The following FAM135A variants were observed in gnomAD, a reference collection of about 807,000 sequenced individuals.
The protein encoded by FAM135A is protein FAM135A.
FAM135A carries 79 observed loss-of-function variants against 146.8 expected under a neutral mutation model. The ratio of observed to expected loss-of-function variants is 0.54; its 90% CI spans 0.45 to 0.65. FAM135A has a LOEUF of 0.65. Among genes scored for constraint, FAM135A ranks in the 30% least tolerant of loss-of-function variants. The pLI is 0.00. For missense variants in FAM135A, 1,623 were observed against 1,758.2 expected (o/e 0.92, Z 1.38); for synonymous variants, 562 against 603.6 (o/e 0.93, Z 1.01).
At chr6:70,545,676 T>A (rs2128464999) in intron 20 of FAM135A, among the ~76,000 whole-genome samples, 1 of 152,298 alleles carries the variant, frequency 6.6e-6, no homozygotes, top group East Asian at 1.9e-4. Context: ...AATACTAAAA[T>A]ACTGGAAAAA....
chr6:70,536,470 A>C, intron 19 of FAM135A, 59 bp downstream of exon 19: 2 of 1,331,686 alleles, frequency 1.5e-6, no homozygotes, highest in Non-Finnish European at 2.0e-6. Context: ...ATATGAACTT[A>C]GTATTTTCTG....
chr6:70,415,765 A>G (rs1295291645), intron 2 of FAM135A, among the ~76,000 whole-genome samples: 1 of 152,118 alleles, frequency 6.6e-6, no homozygotes, highest in East Asian at 1.9e-4. Context: ...TTTGTGGTGG[A>G]CAGCAGGCAG....
chr6:70,415,530 G>T (rs1767372802), intron 2 of FAM135A, among the ~76,000 whole-genome samples, 154 bp downstream of exon 2: 1 of 152,124 alleles, frequency 6.6e-6, no homozygotes, highest in African/African-American at 2.4e-5. Flanking sequence ...AATTGTGTAT[G>T]GTAAGAGGTG....
chr6:70,508,511 A>G (rs1347228484), intron 12 of FAM135A, among the ~76,000 whole-genome samples: 1 of 152,150 alleles, frequency 6.6e-6, no homozygotes, highest in Non-Finnish European at 1.5e-5. Context: ...TTGTGTCTGG[A>G]ATTATAAGTC....
chr6:70,517,900 A>G (rs970388665), intron 12 of FAM135A, among the ~76,000 whole-genome samples: 9 of 152,138 alleles, frequency 5.9e-5, no homozygotes, highest in African/African-American at 1.9e-4. Context: ...CTCTTCCTCT[A>G]CTTGGGTCTC....
intron 5 of FAM135A, among the ~76,000 whole-genome samples, chr6:70,466,289 C>T (rs191516449): frequency 6.6e-6 from 1 of 152,200 alleles, no homozygotes; most frequent in Non-Finnish European, 1.5e-5. Flanking sequence ...TAAAATCCTC[C>T]TGTATACCCC....
intron 7 of FAM135A, among the ~76,000 whole-genome samples, chr6:70,476,051 T>G (rs1782581918): frequency 6.6e-6 from 1 of 152,214 alleles, no homozygotes; most frequent in African/African-American, 2.4e-5. Context: ...ACTGTATCAC[T>G]GGCTAATCTT....
chr6:70,482,217 T>C, intron 10 of FAM135A, 63 bp downstream of exon 10: 1 of 1,515,678 alleles, frequency 6.6e-7, no homozygotes, highest in Non-Finnish European at 8.9e-7. Flanking sequence ...CTTATATTGC[T>C]AGCTATCAGC....
intron 4 of FAM135A, among the ~76,000 whole-genome samples, chr6:70,431,691 A>G (rs1269793861): frequency 1.3e-5 from 2 of 152,232 alleles, no homozygotes; most frequent in Non-Finnish European, 2.9e-5. Context: ...ATCAATCTAC[A>G]GGTTACATTT....
chr6:70,559,639 A>C (rs1325802561), intron 21 of FAM135A, 77 bp from the exon 22 acceptor site: 1 of 1,199,702 alleles, frequency 8.3e-7, no homozygotes, highest in African/African-American at 1.6e-5. Context: ...TTTATAACTT[A>C]TCTAAAAATT....
intron 7 of FAM135A, 115 bp from the exon 8 acceptor site, chr6:70,477,043 AT>A (rs2128162824): frequency 1.8e-6 from 2 of 1,091,900 alleles, no homozygotes; most frequent in African/African-American, 3.2e-5. Flanking sequence ...AATTACTCTT[AT>A]TCGAAATTTT....
At chr6:70,432,760 C>CT (rs529418689) in intron 4 of FAM135A, among the ~76,000 whole-genome samples, 7 of 147,818 alleles carry the variant, frequency 4.7e-5, no homozygotes, top group South Asian at 2.1e-4. Flanking sequence ...TATTTTCTAA[C>CT]TTTTTTTTTT....
In FAM135A at chr6:70,545,080, C is replaced by A. The variant is rs575956448; in HGVS notation, c.4228+6679C>A. ...AAAAAAACAAACAAAAACAAACAAA[C>A]AAAAAAAACCACGAGTATTATAGAT... On this transcript the variant is annotated intron_variant, in intron 20 of 21. Coordinates refer to ENST00000418814, the MANE Select transcript of FAM135A (RefSeq NM_001162529.3). 5.6e-3 allele frequency among the ~76,000 whole-genome samples: 843 copies of A among 150,552 alleles called. 3 individuals are homozygous for A. Among genetic ancestry groups the A allele is most frequent in the Non-Finnish European group, 8.3e-3 (558 of 67,590 alleles).
chr6:70,545,136 ATATC>A (rs1383996357), intron 20 of FAM135A, among the ~76,000 whole-genome samples: 4 of 152,164 alleles, frequency 2.6e-5, no homozygotes, highest in Admixed American at 6.5e-5. Context: ...CAAACAATAT[ATATC>A]TATCTTAGGA....
intron 20 of FAM135A, among the ~76,000 whole-genome samples, chr6:70,538,952 AT>A (rs1797342896): frequency 7.1e-6 from 1 of 141,300 alleles, no homozygotes; most frequent in Admixed American, 7.1e-5. Context: ...CTTATTACTT[AT>A]TTTTTATTAA....
intron 4 of FAM135A, among the ~76,000 whole-genome samples, chr6:70,437,570 G>A (rs938770879): frequency 1.3e-5 from 2 of 152,038 alleles, no homozygotes; most frequent in African/African-American, 2.4e-5. Flanking sequence ...AAGTTGTAGT[G>A]ACCCAAGTAT....
chr6:70,460,024 C>T (rs553516725), intron 5 of FAM135A, among the ~76,000 whole-genome samples: 57 of 152,196 alleles, frequency 3.7e-4, no homozygotes, highest in African/African-American at 5.5e-4. Flanking sequence ...TGTGAGACTC[C>T]GTCTCAACAA....
At chr6:70,426,251 T>C (rs1475021375) in intron 2 of FAM135A, among the ~76,000 whole-genome samples, 188 bp from the exon 3 acceptor site, 2 of 152,214 alleles carry the variant, frequency 1.3e-5, no homozygotes, top group African/African-American at 2.4e-5. Context: ...AATAGAGATA[T>C]AATAGTTAAT....
chr6:70,463,553 C>A (rs1470270590), intron 5 of FAM135A, among the ~76,000 whole-genome samples: 1 of 152,150 alleles, frequency 6.6e-6, no homozygotes, highest in Non-Finnish European at 1.5e-5. Context: ...AGCCACCACT[C>A]CTGGCCCATA....
Sources: allele counts gnomAD v4.1 joint callset (sites outside exome capture counted in the v4.1 genomes callset), GRCh38; gene constraint gnomAD v4.1.1; transcripts MANE v1.5; gene names NCBI Gene and HGNC (gene_info 2026-07-23, HGNC 2026-07-21).